HERC6: variants seen among roughly 807,000 people sequenced by gnomAD.
HERC6 encodes HECT and RLD domain containing E3 ubiquitin protein ligase family member 6, also known as probable E3 ubiquitin-protein ligase HERC6.
In HERC6, 101 loss-of-function variants were observed where a neutral mutation model predicts 114.5. The ratio of observed to expected loss-of-function variants is 0.88; its 90% CI spans 0.75 to 1.04. HERC6 has a LOEUF of 1.04. HERC6 is among the 50% of genes least tolerant of loss of function. The pLI, the probability that HERC6 is intolerant of heterozygous loss-of-function variation, is 0.00. For missense variants in HERC6, 1,133 were observed against 1,230.9 expected, an observed-to-expected ratio of 0.92 and a Z score of 1.19; for synonymous variants, 408 against 436.2, an observed-to-expected ratio of 0.94 and a Z score of 0.81.
chr4:88,423,997 GAA>G, intron 14 of HERC6, 24 bp downstream of exon 14: 2 of 1,094,440 alleles, frequency 1.8e-6, no homozygotes. Context: ...TTTTACTTCT[GAA>G]AATGTTCATA....
chr4:88,424,478 T>TA lies in HERC6; in HGVS notation c.1828-110dup, dbSNP rs1201817016. On this transcript the variant is annotated intron_variant, in intron 14 of 22. Transcript: ENST00000264346. Reference sequence around the variant, plus strand: ...TGGGCAATAGAACAAGACTCTGCCTTAAAAAAACAAAGAACCACAAAAACC... The same window carrying TA: ...TGGGCAATAGAACAAGACTCTGCCTTAAAAAAAACAAAGAACCACAAAAACC... The TA allele has an allele frequency of 1.1e-4, 85 of 789,648 alleles. 1 individual carries two copies. In the South Asian group the frequency reaches 1.2e-3, roughly 11 times the overall value. The allele number at this position is 789,648 out of a possible 1,614,324, so 48.9% of individuals were successfully genotyped here.
chr4:88,379,206 C>A, intron 1 of HERC6, 86 bp downstream of exon 1: 2 of 1,148,792 alleles, frequency 1.7e-6, no homozygotes, highest in Non-Finnish European at 2.4e-6. Context: ...GAACCGGGTG[C>A]GGAGCGCTGG....
rs547476274 is a variant in HERC6 at position 88,402,420 on chromosome 4, A to G, written c.1093-2456A>G. Among the ~76,000 whole-genome samples the G allele has an allele frequency of 2.6e-5, 4 of 152,322 alleles. No individual in the cohort carries two copies. In the East Asian group the frequency reaches 7.7e-4, roughly 29 times the overall value. ...GTAGACAGAGGCCAGTGATACCACT[A>G]AACATCCTATGGTACACAGGACAGC... On this transcript the variant is annotated intron_variant, in intron 8 of 22. Coordinates refer to ENST00000264346, the MANE Select transcript of HERC6 (RefSeq NM_017912.4).
At chr4:88,393,277 G>A (rs1334547462) in intron 4 of HERC6, among the ~76,000 whole-genome samples, 5 of 149,568 alleles carry the variant, frequency 3.3e-5, no homozygotes, top group African/African-American at 1.2e-4. Context: ...ATAAAAATAA[G>A]AAAAGATATA....
intron 3 of HERC6, among the ~76,000 whole-genome samples, chr4:88,388,412 A>G (rs989164898): frequency 3.3e-5 from 5 of 152,062 alleles, no homozygotes; most frequent in Admixed American, 2.0e-4. Context: ...TTAACCGGGC[A>G]TGGTGGCAGG....
At chr4:88,442,132 A>T in intron 22 of HERC6, 102 bp from the exon 23 acceptor site, 1 of 812,404 alleles carries the variant, frequency 1.2e-6, no homozygotes, top group Non-Finnish European at 2.0e-6. Context: ...CTGCCTAAGG[A>T]CATTCAATAA....
In HERC6 at chr4:88,390,661, T is replaced by C. The variant is rs1383017557; in HGVS notation, c.446T>C (p.Val149Ala). Residue 149 changes from valine to alanine, a missense_variant, in exon 4 of 23, where the codon GTG (valine) becomes GCG (alanine). Val to Ala is a moderately conservative substitution (Grantham distance 64). Coordinates refer to ENST00000264346, the MANE Select transcript of HERC6 (RefSeq NM_017912.4). ...HSLALSKDSQ[V>A]FSWGKNSHGQ... The stretch of plus-strand genomic sequence containing the variant: ...CTCGTCTTTGTTGTAGATAGCCAAG[T>C]GTTTTCGTGGGGAAAGAACAGCCAT... 2.5e-6 allele frequency: 4 copies of C among 1,600,694 alleles called. No individual in the cohort carries two copies. Among genetic ancestry groups the C allele is most frequent in the Non-Finnish European group, 3.4e-6 (4 of 1,169,710 alleles).
intron 8 of HERC6, chr4:88,399,186 A>G (rs1735410563): frequency 2.0e-5 from 3 of 152,260 alleles, no homozygotes; most frequent in Admixed American, 2.0e-4. Flanking sequence ...GACGACAGGA[A>G]AAAGTACAAA....
At chr4:88,433,718 A>G (rs948298345) in intron 17 of HERC6, among the ~76,000 whole-genome samples, 1 of 152,184 alleles carries the variant, frequency 6.6e-6, no homozygotes, top group African/African-American at 2.4e-5. Context: ...CCTTTTCTTT[A>G]TAAATTACCC....
At position 88,390,684 on chromosome 4, in the gene HERC6, C is replaced by A; in HGVS notation, c.469C>A (p.His157Asn). ...SQVFSWGKNS[H>N]GQLGLGKEFP... ...AGTGTTTTCGTGGGGAAAGAACAGC[C>A]ATGGGCAGCTGGGCTTGGGGAAGGA... Residue 157 changes from histidine to asparagine, a missense_variant, in exon 4 of 23, where the codon CAT becomes AAT. Physicochemically the swap from His to Asn is moderately conservative, Grantham distance 68 (BLOSUM62 1). This residue lies in a region of HERC6 where 735 missense variants were observed against 754.0 expected (regional missense o/e 0.97). Transcript: ENST00000264346. The A allele has an allele frequency of 6.2e-7, 1 of 1,612,628 alleles. No individual in the cohort carries two copies. The highest frequency in any genetic ancestry group is 1.7e-5 in the Admixed American group (1 of 59,986).
chr4:88,379,211 C>G, intron 1 of HERC6, 91 bp downstream of exon 1: 1 of 1,079,768 alleles, frequency 9.3e-7, no homozygotes, highest in East Asian at 2.9e-5. Flanking sequence ...GGGTGCGGAG[C>G]GCTGGGACCC....
At chr4:88,384,632 T>C (rs1380702322) in intron 2 of HERC6, among the ~76,000 whole-genome samples, 1 of 152,168 alleles carries the variant, frequency 6.6e-6, no homozygotes, top group Non-Finnish European at 1.5e-5. Context: ...GAAATGAGCA[T>C]TGAACTTGGA....
intron 8 of HERC6, among the ~76,000 whole-genome samples, chr4:88,400,493 G>A (rs913351287): frequency 1.3e-5 from 2 of 152,156 alleles, no homozygotes; most frequent in Non-Finnish European, 2.9e-5. Flanking sequence ...CACCGTGCCT[G>A]GCTCCCAGTA....
chr4:88,431,749 T>G (rs966247707), intron 17 of HERC6, among the ~76,000 whole-genome samples: 1 of 152,206 alleles, frequency 6.6e-6, no homozygotes, highest in African/African-American at 2.4e-5. Flanking sequence ...GGCTAATTTT[T>G]GTATTTTTAG....
rs565465218 is a variant in HERC6 at position 88,441,989 on chromosome 4, G to C, written c.2843-245G>C. Among the ~76,000 whole-genome samples, 7 of 152,230 alleles carry C rather than the reference G, an allele frequency of 4.6e-5. No individual in the cohort carries two copies. In the East Asian group the frequency reaches 1.4e-3, roughly 29 times the overall value. On this transcript the variant is annotated intron_variant, in intron 22 of 22. Coordinates refer to ENST00000264346, the MANE Select transcript of HERC6 (RefSeq NM_017912.4). ...TCCTAACCTCATTCTTCCTAGATGA[G>C]CTAAATAAACTTCCTTCTTGCTACT...
At chr4:88,395,836 C>G (rs1018730449) in intron 5 of HERC6, among the ~76,000 whole-genome samples, 179 bp from the exon 6 acceptor site, 2 of 152,110 alleles carry the variant, frequency 1.3e-5, no homozygotes, top group Non-Finnish European at 2.9e-5. Context: ...AGTGATTTTT[C>G]ATGTTTAATG....
At chr4:88,430,642 T>C (rs1439654128) in intron 16 of HERC6, among the ~76,000 whole-genome samples, 6 of 152,052 alleles carry the variant, frequency 3.9e-5, no homozygotes, top group Non-Finnish European at 8.8e-5. Flanking sequence ...TGATTTCTCA[T>C]TTGAGAGCTA....
chr4:88,442,150 C>G (rs1179706981), intron 22 of HERC6, 84 bp from the exon 23 acceptor site: 1 of 926,510 alleles, frequency 1.1e-6, no homozygotes, highest in African/African-American at 1.6e-5. Flanking sequence ...TAAATACTTA[C>G]TGAATGAAGT....
chr4:88,399,974 C>A (rs1735448997), intron 8 of HERC6, among the ~76,000 whole-genome samples: 1 of 152,068 alleles, frequency 6.6e-6, no homozygotes, highest in Admixed American at 6.6e-5. Flanking sequence ...CACAGAAAGC[C>A]TGTGAGGCAA....
Sources: gnomAD v4.1 joint callset for allele counts (sites outside exome capture counted in the v4.1 genomes callset) on GRCh38, gnomAD v4.1.1 for gene constraint, gnomAD v4.1.1 regional missense constraint, MANE v1.5 for transcripts, NCBI Gene and HGNC (gene_info 2026-07-23, HGNC 2026-07-21) for gene names.